CSMD3: variants seen among roughly 807,000 people sequenced by gnomAD.
CSMD3 encodes the protein CUB and sushi domain-containing protein 3.
In CSMD3, 177 loss-of-function variants were observed where a neutral mutation model predicts 435.2. The ratio of observed to expected loss-of-function variants is 0.41; its 90% CI spans 0.36 to 0.46. The LOEUF is 0.46. CSMD3 is among the 20% of genes least tolerant of loss of function. The pLI is 0.34. For missense variants in CSMD3, 4,265 were observed against 4,504.6 expected, an observed-to-expected ratio of 0.95 and a Z score of 1.52; for synonymous variants, 1,656 against 1,520.5, an observed-to-expected ratio of 1.09 and a Z score of -2.07.
chr8:112,648,315 T>C (rs148208933), intron 19 of CSMD3, among the ~76,000 whole-genome samples: 40 of 152,278 alleles, frequency 2.6e-4, no homozygotes, highest in African/African-American at 9.1e-4. Context: ...ATACACAGCT[T>C]AGACATTTTT....
intron 13 of CSMD3, among the ~76,000 whole-genome samples, chr8:112,789,923 A>G (rs1203959323): frequency 6.6e-6 from 1 of 152,006 alleles, no homozygotes; most frequent in Non-Finnish European, 1.5e-5. Context: ...AACTTTAAAC[A>G]GTCCTGACAG....
At chr8:113,006,342 A>G (rs1193731520) in intron 6 of CSMD3, among the ~76,000 whole-genome samples, 1 of 152,072 alleles carries the variant, frequency 6.6e-6, no homozygotes, top group Non-Finnish European at 1.5e-5. Context: ...AAAGAAGAAC[A>G]GAGTTAAAAG....
intron 5 of CSMD3, among the ~76,000 whole-genome samples, chr8:113,067,435 C>T (rs1252585281): frequency 6.6e-6 from 1 of 152,052 alleles, no homozygotes; most frequent in Non-Finnish European, 1.5e-5. Context: ...ATTTAGGATC[C>T]ATTCATGAAT....
rs12550256 is a variant in CSMD3, at chr8:113,281,339, T to C, written c.402-2635A>G. Among the ~76,000 whole-genome samples, 275 of 152,076 alleles carry C rather than the reference T, an allele frequency of 1.8e-3. 3 individuals carry two copies. Among genetic ancestry groups the C allele is most frequent in the Admixed American group, 0.014 (217 of 15,254 alleles). On this transcript the variant is annotated intron_variant, in intron 2 of 70. Transcript: ENST00000297405. The stretch of plus-strand genomic sequence containing the variant: ...GTCTATTGGTATCTGTTTTATAAAT[T>C]TGGGACCTCCAGTGTTACGTGCATG...
At chr8:112,605,418 C>T (rs1586789917) in intron 22 of CSMD3, among the ~76,000 whole-genome samples, 1 of 152,254 alleles carries the variant, frequency 6.6e-6, no homozygotes, top group African/African-American at 2.4e-5. Context: ...AAATGTGATA[C>T]ATATACACTA....
intron 59 of CSMD3, among the ~76,000 whole-genome samples, chr8:112,268,278 T>A (rs1036307212): frequency 1.3e-5 from 2 of 152,196 alleles, no homozygotes; most frequent in South Asian, 2.1e-4. Context: ...CAAAAACACA[T>A]AAATTATTTG....
chr8:113,105,256 G>C (rs1050860519), intron 4 of CSMD3, among the ~76,000 whole-genome samples: 21 of 152,178 alleles, frequency 1.4e-4, no homozygotes, highest in Admixed American at 1.4e-3. Context: ...TGATCTAAGA[G>C]AGGAGAAAAA....
intron 4 of CSMD3, among the ~76,000 whole-genome samples, chr8:113,118,468 T>C (rs2090899049): frequency 6.6e-6 from 1 of 152,142 alleles, no homozygotes; most frequent in Non-Finnish European, 1.5e-5. Flanking sequence ...TAAATCAATT[T>C]ACTTAAGCCT....
chr8:112,817,634 T>C (rs1323706129), intron 12 of CSMD3, among the ~76,000 whole-genome samples: 1 of 151,882 alleles, frequency 6.6e-6, no homozygotes, highest in Non-Finnish European at 1.5e-5. Context: ...CAAGTAACTC[T>C]AATGGTGTGA....
chr8:113,127,705 A>G (rs1478457104), intron 4 of CSMD3, among the ~76,000 whole-genome samples: 1 of 152,104 alleles, frequency 6.6e-6, no homozygotes, highest in Non-Finnish European at 1.5e-5. Context: ...CCTGTAGAGC[A>G]GAAAAATAAA....
intron 24 of CSMD3, among the ~76,000 whole-genome samples, chr8:112,565,694 G>T (rs1259301987): frequency 1.3e-5 from 2 of 152,050 alleles, no homozygotes; most frequent in Non-Finnish European, 2.9e-5. Flanking sequence ...CTGACTAATG[G>T]CTGGGCAACA....
chr8:112,418,001 G>A (rs1245049462), intron 32 of CSMD3, among the ~76,000 whole-genome samples: 2 of 152,122 alleles, frequency 1.3e-5, no homozygotes, highest in Non-Finnish European at 2.9e-5. Context: ...ATTAGGAACT[G>A]AGCTGGTTTG....
chr8:113,107,002 TCA>T (rs988319875), intron 4 of CSMD3, among the ~76,000 whole-genome samples: 3 of 152,170 alleles, frequency 2.0e-5, no homozygotes, highest in African/African-American at 7.2e-5. Context: ...AAATGAAATC[TCA>T]CACCTTTTAA....
intron 12 of CSMD3, among the ~76,000 whole-genome samples, chr8:112,825,354 C>G (rs231291): frequency 0.29 from 44,356 of 151,954 alleles, 6,740 homozygotes; most frequent in Non-Finnish European, 0.32. Context: ...TTGCTGGAGA[C>G]GCACTGCAAT....
chr8:112,828,730 A>T (rs1018612402), intron 12 of CSMD3, among the ~76,000 whole-genome samples: 17 of 152,208 alleles, frequency 1.1e-4, no homozygotes, highest in African/African-American at 3.1e-4. Flanking sequence ...ACCTTAGGAA[A>T]CACAAAACAG....
Position 112,582,010 on chromosome 8 carries a change from G to T in CSMD3, c.3885+5056C>A, listed in dbSNP as rs371976760. Among the ~76,000 whole-genome samples the T allele has an allele frequency of 1.3e-4, 20 of 152,124 alleles. 1 individual carries two copies. In the South Asian group the frequency reaches 3.5e-3, roughly 27 times the overall value. On this transcript the variant is annotated intron_variant, in intron 23 of 70. Transcript: ENST00000297405. ...GCTTGGTGTTAGAGCATGTGATATG[G>T]TTTGAATGTTTGTGCCTTCCAAATC...
At chr8:112,943,536 CT>C (rs1410756254) in intron 9 of CSMD3, among the ~76,000 whole-genome samples, 1 of 151,510 alleles carries the variant, frequency 6.6e-6, no homozygotes, top group Non-Finnish European at 1.5e-5. Context: ...TCTAATGTTC[CT>C]TTGAGATAAA....
intron 27 of CSMD3, among the ~76,000 whole-genome samples, chr8:112,530,960 C>G (rs759289007): frequency 3.9e-5 from 6 of 152,126 alleles, no homozygotes; most frequent in African/African-American, 1.4e-4. Flanking sequence ...TTTGGGTGAG[C>G]CCCAGTGCTG....
At chr8:112,400,255 CA>C (rs946871592) in intron 35 of CSMD3, among the ~76,000 whole-genome samples, 5 of 152,116 alleles carry the variant, frequency 3.3e-5, no homozygotes, top group African/African-American at 4.8e-5. Context: ...GGTTCATAGA[CA>C]GCTATTTTCT....
Sources: gnomAD v4.1 joint callset for allele counts (sites outside exome capture counted in the v4.1 genomes callset) on GRCh38, gnomAD v4.1.1 for gene constraint, MANE v1.5 for transcripts, NCBI Gene and HGNC (gene_info 2026-07-23, HGNC 2026-07-21) for gene names.